The following MAP4K4 variants were observed in gnomAD, a reference collection of about 807,000 sequenced individuals.
MAP4K4 encodes the protein HPK/GCK-like kinase HGK.
In MAP4K4, 38 loss-of-function variants were observed where a neutral mutation model predicts 189.6. The ratio of observed to expected loss-of-function variants is 0.20; its 90% CI spans 0.15 to 0.26. MAP4K4 has a LOEUF of 0.26. Among genes scored for constraint, MAP4K4 ranks in the 10% least tolerant of loss-of-function variants. The pLI, the probability that MAP4K4 is intolerant of heterozygous loss-of-function variation, is 1.00. For synonymous variants in MAP4K4, 610 were observed against 624.3 expected, an observed-to-expected ratio of 0.98 and a Z score of 0.34; for missense variants, 1,054 against 1,726.9, an observed-to-expected ratio of 0.61 and a Z score of 6.91.
intron 10 of MAP4K4, 67 bp from the exon 11 acceptor site, chr2:101,842,542 G>T: frequency 8.8e-7 from 1 of 1,138,256 alleles, no homozygotes; most frequent in African/African-American, 1.5e-5. Context: ...TCCTGCAGAT[G>T]CTTGTCTGAA....
chr2:101,828,969 G>A (rs2096488919), intron 5 of MAP4K4, among the ~76,000 whole-genome samples: 1 of 152,216 alleles, frequency 6.6e-6, no homozygotes, highest in Admixed American at 6.5e-5. Flanking sequence ...TTGAACACAA[G>A]GCTCTTTTGA....
chr2:101,698,412 T>C (rs2035848500), intron 1 of MAP4K4, 61 bp from the exon 2 acceptor site: 3 of 1,435,068 alleles, frequency 2.1e-6, no homozygotes, highest in Non-Finnish European at 2.9e-6. Context: ...ACTGCCTTGC[T>C]TGATTTATTC....
chr2:101,893,248 A>G (rs1268838172), exon 33 of MAP4K4: 1 of 456,454 alleles, frequency 2.2e-6, no homozygotes, highest in Non-Finnish European at 4.4e-6. Flanking sequence ...GGTTTTGTGT[A>G]TACCTGTAAA....
chr2:101,702,083 ACTC>A (rs765042191), intron 2 of MAP4K4, among the ~76,000 whole-genome samples: 3 of 150,834 alleles, frequency 2.0e-5, no homozygotes, highest in Non-Finnish European at 3.0e-5. Context: ...CTGGTCTTGA[ACTC>A]CTGGCCTCAA....
intron 3 of MAP4K4, among the ~76,000 whole-genome samples, chr2:101,804,350 T>C (rs1179748331): frequency 6.6e-6 from 1 of 152,180 alleles, no homozygotes; most frequent in Admixed American, 6.5e-5. Context: ...ACTATGAAAA[T>C]GATTTCATGG....
At chr2:101,698,185 C>A in intron 1 of MAP4K4, 48 bp downstream of exon 1, 1 of 944,222 alleles carries the variant, frequency 1.1e-6, no homozygotes, top group Non-Finnish European at 1.3e-6. Flanking sequence ...AGCCGGCAGC[C>A]GGCAGCCGGG....
chr2:101,786,746 T>G (rs755731356), intron 2 of MAP4K4, among the ~76,000 whole-genome samples: 5 of 152,222 alleles, frequency 3.3e-5, no homozygotes, highest in Admixed American at 6.5e-5. Flanking sequence ...GGCAGATAAC[T>G]GAAGAAAATT....
exon 28 of MAP4K4, chr2:101,882,668 G>A: frequency 6.3e-7 from 1 of 1,599,118 alleles, no homozygotes; most frequent in Non-Finnish European, 8.5e-7. Flanking sequence ...TTGGAAGGAT[G>A]TGTACATTAT....
intron 3 of MAP4K4, among the ~76,000 whole-genome samples, chr2:101,796,935 A>G (rs1266125946): frequency 1.3e-5 from 2 of 152,248 alleles, no homozygotes; most frequent in Non-Finnish European, 2.9e-5. Flanking sequence ...TGGAAAGGCA[A>G]GAGCCATACA....
intron 2 of MAP4K4, among the ~76,000 whole-genome samples, chr2:101,712,486 G>T (rs1051259734): frequency 6.0e-5 from 9 of 150,562 alleles, no homozygotes; most frequent in Non-Finnish European, 1.2e-4. Context: ...GAGCCACTGT[G>T]CCTGGCCCTA....
chr2:101,861,062 C>A, intron 16 of MAP4K4, 76 bp downstream of exon 16: 1 of 1,365,730 alleles, frequency 7.3e-7, no homozygotes, highest in Non-Finnish European at 9.9e-7. Flanking sequence ...GCTGTAATAT[C>A]ACAGTTTAGT....
At chr2:101,790,335 G>A (rs2092649064) in intron 2 of MAP4K4, among the ~76,000 whole-genome samples, 1 of 151,806 alleles carries the variant, frequency 6.6e-6, no homozygotes, top group South Asian at 2.1e-4. Flanking sequence ...GAAAAAAAAA[G>A]TTTCTTTGAG....
intron 12 of MAP4K4, among the ~76,000 whole-genome samples, chr2:101,852,371 A>G (rs1420028746): frequency 6.6e-6 from 1 of 152,128 alleles, no homozygotes; most frequent in Non-Finnish European, 1.5e-5. Context: ...TAAAGGTTAG[A>G]TTCAAATAAA....
At chr2:101,874,368 A>C in intron 26 of MAP4K4, 116 bp downstream of exon 26, 2 of 869,390 alleles carry the variant, frequency 2.3e-6, no homozygotes, top group Non-Finnish European at 3.5e-6. Context: ...GACTTCTATG[A>C]TGTCCATCTC....
At chr2:101,803,408 G>T (rs2094581815) in intron 3 of MAP4K4, among the ~76,000 whole-genome samples, 1 of 152,144 alleles carries the variant, frequency 6.6e-6, no homozygotes, top group South Asian at 2.1e-4. Flanking sequence ...GTGGTAAAAT[G>T]AAGCAATACA....
At chr2:101,849,223 A>G (rs2097202899) in intron 12 of MAP4K4, among the ~76,000 whole-genome samples, 2 of 152,166 alleles carry the variant, frequency 1.3e-5, no homozygotes, top group Non-Finnish European at 2.9e-5. Flanking sequence ...CCTGGGCTCA[A>G]GTGATCCTCC....
intron 3 of MAP4K4, among the ~76,000 whole-genome samples, chr2:101,812,574 G>A (rs901968019): frequency 6.6e-6 from 1 of 152,024 alleles, no homozygotes; most frequent in Non-Finnish European, 1.5e-5. Flanking sequence ...GAAATGTGTA[G>A]GTAGTAGACT....
intron 10 of MAP4K4, among the ~76,000 whole-genome samples, chr2:101,841,824 T>C (rs573046279): frequency 3.3e-4 from 51 of 152,312 alleles, no homozygotes; most frequent in Admixed American, 3.1e-3. Context: ...TAGACTGCTT[T>C]TAAATCTCTT....
At chr2:101,853,490 G>A (rs1050089278) in intron 12 of MAP4K4, among the ~76,000 whole-genome samples, 2 of 152,106 alleles carry the variant, frequency 1.3e-5, no homozygotes, top group South Asian at 4.1e-4. Flanking sequence ...AGACAAGTTG[G>A]TGGATAATAG....
Sources: gnomAD v4.1 joint callset for allele counts (sites outside exome capture counted in the v4.1 genomes callset) on GRCh38, gnomAD v4.1.1 for gene constraint, MANE v1.5 for transcripts, NCBI Gene and HGNC (gene_info 2026-07-23, HGNC 2026-07-21) for gene names.